The following GALNT14 variants were observed in gnomAD, a reference collection of about 807,000 sequenced individuals.
GALNT14 encodes polypeptide N-acetylgalactosaminyltransferase 14.
In GALNT14, 60 loss-of-function variants were observed where a neutral mutation model predicts 77.5. That is an observed-to-expected ratio of 0.77 (90% CI 0.63 to 0.96). The LOEUF is 0.96. Among genes scored for constraint, GALNT14 ranks in the 40% least tolerant of loss-of-function variants. GALNT14 has a pLI of 0.00. For synonymous variants in GALNT14, 280 were observed against 281.7 expected, an observed-to-expected ratio of 0.99 and a Z score of 0.06; for missense variants, 710 against 731.0, an observed-to-expected ratio of 0.97 and a Z score of 0.33.
intron 1 of GALNT14, among the ~76,000 whole-genome samples, chr2:31,072,480 C>T (rs1675476278): frequency 6.6e-6 from 1 of 151,934 alleles, no homozygotes; most frequent in Non-Finnish European, 1.5e-5. Flanking sequence ...ATCTTTCCTT[C>T]TCTCATTTCC....
At chr2:31,125,051 GC>G in intron 1 of GALNT14, 1 of 777,222 alleles carries the variant, frequency 1.3e-6, no homozygotes. Flanking sequence ...CCTGGGGTGC[GC>G]CCAGGAGCTC....
chr2:31,093,644 G>A (rs777124227), intron 1 of GALNT14, among the ~76,000 whole-genome samples: 2 of 152,150 alleles, frequency 1.3e-5, no homozygotes, highest in African/African-American at 2.4e-5. Context: ...AATCTATCAC[G>A]CCACTCTGTT....
At chr2:31,090,509 G>A (rs1426047117) in intron 1 of GALNT14, among the ~76,000 whole-genome samples, 2 of 34,116 alleles carry the variant, frequency 5.9e-5, no homozygotes, top group Non-Finnish European at 1.2e-4. Context: ...TTTTTTTTTT[G>A]ACAGAGTTTC....
intron 1 of GALNT14, among the ~76,000 whole-genome samples, chr2:31,038,747 A>ATTT (rs34671516): frequency 9.7e-5 from 14 of 143,998 alleles, no homozygotes; most frequent in East Asian, 2.1e-4. Context: ...AGATTCAGCA[A>ATTT]TTTTTTTTTT....
intron 1 of GALNT14, among the ~76,000 whole-genome samples, chr2:31,088,243 C>T (rs182151194): frequency 3.9e-5 from 6 of 152,162 alleles, no homozygotes; most frequent in East Asian, 1.9e-4. Context: ...TGTTGGCAAC[C>T]GCTTCTAGAA....
At chr2:31,134,053 G>A (rs192113049) in intron 1 of GALNT14, among the ~76,000 whole-genome samples, 229 of 152,208 alleles carry the variant, frequency 1.5e-3, no homozygotes, top group Middle Eastern at 0.014. Context: ...ATTTCATCCC[G>A]CCCTCTTTGG....
intron 2 of GALNT14, among the ~76,000 whole-genome samples, chr2:30,970,235 G>A (rs796491420): frequency 4.6e-5 from 7 of 152,238 alleles, no homozygotes; most frequent in African/African-American, 1.7e-4. Flanking sequence ...GAGGCAAGAG[G>A]AGGAGCAGAG....
chr2:30,914,336 A>G (rs1664542702), intron 13 of GALNT14, among the ~76,000 whole-genome samples: 1 of 152,066 alleles, frequency 6.6e-6, no homozygotes, highest in South Asian at 2.1e-4. Context: ...CTTTTAGATA[A>G]CCTTAATCCG....
intron 1 of GALNT14, chr2:31,114,779 T>A (rs1395134944): frequency 1.4e-6 from 1 of 717,484 alleles, no homozygotes; most frequent in Non-Finnish European, 2.6e-6. Flanking sequence ...CAAATGGAAC[T>A]GAGCTTCTTG....
intron 9 of GALNT14, 95 bp from the exon 10 acceptor site, chr2:30,932,289 G>A (rs896808975): frequency 5.8e-5 from 71 of 1,219,388 alleles, no homozygotes; most frequent in Non-Finnish European, 7.5e-5. Context: ...CCCCGCAGAG[G>A]CGAAAGAACA....
intron 1 of GALNT14, among the ~76,000 whole-genome samples, chr2:31,126,268 G>T (rs2148645175): frequency 6.6e-6 from 1 of 152,266 alleles, no homozygotes; most frequent in Non-Finnish European, 1.5e-5. Flanking sequence ...AGTTGCAAAG[G>T]GAAAAATACA....
rs117694497 is a variant in GALNT14 at position 30,962,510 on chromosome 2, C to T, written c.398+3694G>A. ...GGATGCCCCAAAAGGAAGGTGACAG[C>T]GCTGGGTCTCCCATAAACATGCAGA... On this transcript the variant is annotated intron_variant, in intron 3 of 14. Coordinates refer to ENST00000349752, the MANE Select transcript of GALNT14 (RefSeq NM_024572.4). Among the ~76,000 whole-genome samples, 136 of 152,362 alleles carry T rather than the reference C, an allele frequency of 8.9e-4. 2 individuals carry two copies. In the East Asian group the frequency reaches 0.02, roughly 23 times the overall value.
intron 1 of GALNT14, among the ~76,000 whole-genome samples, chr2:31,132,999 CCA>C (rs1456034588): frequency 6.6e-6 from 1 of 152,066 alleles, no homozygotes; most frequent in East Asian, 1.9e-4. Flanking sequence ...CTTGTGGCCC[CCA>C]CCCAGGAACT....
intron 1 of GALNT14, among the ~76,000 whole-genome samples, chr2:31,057,203 G>A (rs1332584700): frequency 6.6e-6 from 1 of 150,516 alleles, no homozygotes; most frequent in Non-Finnish European, 1.5e-5. Context: ...CCTGGGTGAT[G>A]GAATCATTTG....
At chr2:31,108,341 G>A (rs925080578) in intron 1 of GALNT14, among the ~76,000 whole-genome samples, 14 of 152,210 alleles carry the variant, frequency 9.2e-5, no homozygotes, top group African/African-American at 3.4e-4. Flanking sequence ...GCTTGCCAAG[G>A]ACTAAGGAAC....
the GALNT14 span, among the ~76,000 whole-genome samples, chr2:30,897,583 G>A: frequency 1.3e-5 from 2 of 152,210 alleles, no homozygotes; most frequent in Non-Finnish European, 2.9e-5. Context: ...ATGAGAAGAA[G>A]GGAGCTTCTG....
intron 1 of GALNT14, among the ~76,000 whole-genome samples, chr2:31,040,218 G>A (rs952479627): frequency 1.3e-5 from 2 of 152,120 alleles, no homozygotes; most frequent in Non-Finnish European, 2.9e-5. Flanking sequence ...AATGTTTTGG[G>A]GTTTTTTTGT....
At chr2:30,998,009 T>A (rs1406268089) in intron 1 of GALNT14, among the ~76,000 whole-genome samples, 3 of 152,152 alleles carry the variant, frequency 2.0e-5, no homozygotes, top group Non-Finnish European at 4.4e-5. Context: ...GCTTCACATA[T>A]AAACGAGATC....
rs191261260 is a variant in GALNT14, at chr2:31,104,313, A to G, written c.129+33645T>C. On this transcript the variant is annotated intron_variant, in intron 1 of 14. Coordinates refer to ENST00000349752, the MANE Select transcript of GALNT14 (RefSeq NM_024572.4). ...AATCCTCTAGATGGTGACATTTTATATTTTGCTATATTTTCCCCATTTTTG... is the reference window on the plus strand; with the variant it reads ...AATCCTCTAGATGGTGACATTTTATGTTTTGCTATATTTTCCCCATTTTTG... Among the ~76,000 whole-genome samples the G allele has an allele frequency of 5.9e-5, 9 of 152,270 alleles. No homozygotes were observed. In the East Asian group the frequency reaches 1.2e-3, roughly 20 times the overall value.
Sources: gnomAD v4.1 joint callset for allele counts (sites outside exome capture counted in the v4.1 genomes callset) on GRCh38, gnomAD v4.1.1 for gene constraint, MANE v1.5 for transcripts, NCBI Gene and HGNC (gene_info 2026-07-23, HGNC 2026-07-21) for gene names.